The following ARHGAP26 variants were observed in gnomAD, a reference collection of about 807,000 sequenced individuals.
ARHGAP26 encodes Rho GTPase activating protein 26.
A neutral mutation model predicts 104.8 loss-of-function variants in ARHGAP26; 38 were observed. That is an observed-to-expected ratio of 0.36 (90% CI 0.28 to 0.48). ARHGAP26 has a LOEUF of 0.48. ARHGAP26 is among the 20% of genes least tolerant of loss of function. The pLI is 0.99. For synonymous variants in ARHGAP26, 341 were observed against 340.0 expected (o/e 1.00, Z -0.03); for missense variants, 704 against 947.9 (o/e 0.74, Z 3.38).
At chr5:143,100,409 T>C (rs1793048162) in intron 17 of ARHGAP26, among the ~76,000 whole-genome samples, 1 of 152,212 alleles carries the variant, frequency 6.6e-6, no homozygotes, top group African/African-American at 2.4e-5. Flanking sequence ...GTCACTAGCC[T>C]TATCCTTGGC....
At chr5:142,816,093 C>T (rs976865457) in intron 1 of ARHGAP26, among the ~76,000 whole-genome samples, 3 of 152,076 alleles carry the variant, frequency 2.0e-5, no homozygotes, top group Non-Finnish European at 2.9e-5. Context: ...CCATGGTGTC[C>T]AGCCCCTCTG....
intron 12 of ARHGAP26, among the ~76,000 whole-genome samples, chr5:143,028,323 A>G (rs1781374942): frequency 6.6e-6 from 1 of 152,212 alleles, no homozygotes; most frequent in African/African-American, 2.4e-5. Flanking sequence ...AAAACTTAGC[A>G]GAGATATTGG....
chr5:142,801,652 C>G (rs1762091978), intron 1 of ARHGAP26, among the ~76,000 whole-genome samples: 1 of 151,442 alleles, frequency 6.6e-6, no homozygotes, highest in African/African-American at 2.4e-5. Context: ...GATGGATTGC[C>G]TTCCAAAGGC....
At chr5:142,948,073 A>G (rs1407443339) in intron 11 of ARHGAP26, among the ~76,000 whole-genome samples, 1 of 152,198 alleles carries the variant, frequency 6.6e-6, no homozygotes, top group Non-Finnish European at 1.5e-5. Flanking sequence ...TTTAAAAAAG[A>G]GAACCCAAGA....
chr5:142,869,313 T>C lies in ARHGAP26; in HGVS notation c.155-4087T>C, dbSNP rs1472032824. Among the ~76,000 whole-genome samples the C allele has an allele frequency of 5.3e-5, 8 of 151,770 alleles. No individual in the cohort carries two copies. In the South Asian group the frequency reaches 1.7e-3, roughly 32 times the overall value. On this transcript the variant is annotated intron_variant, in intron 1 of 22. Coordinates refer to ENST00000645722, the MANE Select transcript of ARHGAP26 (RefSeq NM_001135608.3). ...CCTCAGCCTCCCGGGTTCACGCGAT[T>C]CTCCTGCCTCAGCCTCCCTGAGTAG...
chr5:143,007,194 GAAAAA>G (rs34602049), intron 11 of ARHGAP26, among the ~76,000 whole-genome samples: 1 of 69,586 alleles, frequency 1.4e-5, no homozygotes, highest in Non-Finnish European at 2.8e-5. Context: ...CTCTGTCTCC[GAAAAA>G]AAAAAAAAAA....
At chr5:143,031,831 G>A (rs1020781978) in intron 12 of ARHGAP26, among the ~76,000 whole-genome samples, 2 of 152,130 alleles carry the variant, frequency 1.3e-5, no homozygotes, top group East Asian at 1.9e-4. Flanking sequence ...AGCGATTCAA[G>A]CCTCCTCCTT....
intron 21 of ARHGAP26, among the ~76,000 whole-genome samples, chr5:143,212,779 G>T (rs748019146): frequency 9.2e-5 from 14 of 152,222 alleles, no homozygotes; most frequent in Non-Finnish European, 1.3e-4. Flanking sequence ...GAGAAAGTTT[G>T]CCACCTTCTG....
At chr5:142,875,074 A>G (rs1231501395) in intron 2 of ARHGAP26, 36 bp from the exon 3 acceptor site, 5 of 1,576,572 alleles carry the variant, frequency 3.2e-6, no homozygotes, top group Non-Finnish European at 4.4e-6. Context: ...GGCCCATGAC[A>G]CTCCTTCCAC....
intron 20 of ARHGAP26, among the ~76,000 whole-genome samples, chr5:143,178,091 C>T (rs903300264): frequency 2.7e-5 from 4 of 149,152 alleles, no homozygotes; most frequent in African/African-American, 9.9e-5. Flanking sequence ...CCTCCGCTTC[C>T]CAGGCTCAAA....
At chr5:143,134,176 G>T in intron 19 of ARHGAP26, 71 bp downstream of exon 19, 1 of 1,469,622 alleles carries the variant, frequency 6.8e-7, no homozygotes, top group Non-Finnish European at 9.1e-7. Context: ...GCTCAGGGTG[G>T]ACACTTCCAG....
At chr5:142,968,353 C>T (rs755837463) in intron 11 of ARHGAP26, among the ~76,000 whole-genome samples, 4 of 152,158 alleles carry the variant, frequency 2.6e-5, no homozygotes, top group Non-Finnish European at 4.4e-5. Flanking sequence ...TGATTATTTC[C>T]TTATTAAAAA....
chr5:142,894,669 A>C (rs1316561568), intron 6 of ARHGAP26, among the ~76,000 whole-genome samples: 4 of 152,188 alleles, frequency 2.6e-5, no homozygotes, highest in Non-Finnish European at 1.5e-5. Context: ...TCTTGCCATG[A>C]AATAGTGATT....
intron 17 of ARHGAP26, among the ~76,000 whole-genome samples, chr5:143,083,773 A>G (rs1415040538): frequency 6.6e-6 from 1 of 152,250 alleles, no homozygotes; most frequent in Non-Finnish European, 1.5e-5. Context: ...TGCTGGGATT[A>G]TAGGCATGAG....
At chr5:143,157,344 T>C (rs1204537471) in intron 20 of ARHGAP26, among the ~76,000 whole-genome samples, 1 of 152,068 alleles carries the variant, frequency 6.6e-6, no homozygotes, top group Non-Finnish European at 1.5e-5. Context: ...ATCCAGCTAA[T>C]TTTTATATGT....
chr5:142,968,204 T>G (rs1472179066), intron 11 of ARHGAP26, among the ~76,000 whole-genome samples: 1 of 152,170 alleles, frequency 6.6e-6, no homozygotes, highest in Admixed American at 6.5e-5. Flanking sequence ...TTTTGGAAAC[T>G]GAGACACAGA....
At chr5:142,911,635 C>T (rs999095643) in intron 9 of ARHGAP26, among the ~76,000 whole-genome samples, 1 of 152,194 alleles carries the variant, frequency 6.6e-6, no homozygotes, top group Non-Finnish European at 1.5e-5. Flanking sequence ...ATGGTATGGT[C>T]ATCCTTGGAA....
At chr5:142,967,203 A>T (rs578235584) in intron 11 of ARHGAP26, among the ~76,000 whole-genome samples, 2 of 152,316 alleles carry the variant, frequency 1.3e-5, no homozygotes, top group East Asian at 3.9e-4. Flanking sequence ...AAACAGAACG[A>T]TAAAAATTGA....
rs73796610 is a variant in ARHGAP26 at position 142,908,138 on chromosome 5, C to T, written c.933+334C>T. 5.9e-4 allele frequency among the ~76,000 whole-genome samples: 90 copies of T among 152,316 alleles called. 1 individual carries two copies. Among genetic ancestry groups the T allele is most frequent in the African/African-American group, 2.0e-3 (83 of 41,566 alleles). The stretch of plus-strand genomic sequence containing the variant: ...ATCCTGTGAAACTGATTCAGTCCCA[C>T]TCCCACTTGATACCTGGAGAGCTGC... On this transcript the variant is annotated intron_variant, in intron 9 of 22. Coordinates refer to ENST00000645722, the MANE Select transcript of ARHGAP26 (RefSeq NM_001135608.3).
Sources: gnomAD v4.1 joint callset for allele counts (sites outside exome capture counted in the v4.1 genomes callset) on GRCh38, gnomAD v4.1.1 for gene constraint, MANE v1.5 for transcripts, NCBI Gene and HGNC (gene_info 2026-07-23, HGNC 2026-07-21) for gene names.